Variants in CCSER1 observed in about 807,000 individuals in gnomAD.
CCSER1 encodes serine-rich coiled-coil domain-containing protein 1.
A neutral mutation model predicts 82.0 loss-of-function variants in CCSER1; 41 were observed. The ratio of observed to expected loss-of-function variants is 0.50; its 90% CI spans 0.39 to 0.65. The LOEUF is 0.65. CCSER1 is among the 30% of genes least tolerant of loss of function. The pLI, the probability that CCSER1 is intolerant of heterozygous loss-of-function variation, is 0.00. For missense variants in CCSER1, 1,119 were observed against 1,064.2 expected (o/e 1.05, Z -0.72); for synonymous variants, 414 against 383.9 (o/e 1.08, Z -0.92).
intron 5 of CCSER1, among the ~76,000 whole-genome samples, chr4:90,487,603 T>C (rs575341665): frequency 3.9e-5 from 6 of 152,348 alleles, no homozygotes; most frequent in Admixed American, 6.5e-5. Flanking sequence ...TAAGCATGTA[T>C]GGAATAAACA....
intron 5 of CCSER1, among the ~76,000 whole-genome samples, chr4:90,623,189 G>A (rs1016731185): frequency 3.4e-5 from 5 of 148,830 alleles, no homozygotes; most frequent in South Asian, 2.1e-4. Context: ...CACCACTCCC[G>A]GCTAATTATT....
chr4:91,277,507 T>C (rs1421337597), intron 10 of CCSER1, among the ~76,000 whole-genome samples: 1 of 151,420 alleles, frequency 6.6e-6, no homozygotes, highest in African/African-American at 2.4e-5. Flanking sequence ...TTTTTTGTTA[T>C]TGTGGTATCC....
At chr4:91,082,082 A>T (rs1049840385) in intron 9 of CCSER1, among the ~76,000 whole-genome samples, 1 of 152,182 alleles carries the variant, frequency 6.6e-6, no homozygotes, top group Non-Finnish European at 1.5e-5. Flanking sequence ...TTCATACGGA[A>T]CCACAAAAGA....
intron 9 of CCSER1, among the ~76,000 whole-genome samples, chr4:91,001,832 G>A (rs1230209517): frequency 6.6e-6 from 1 of 151,742 alleles, no homozygotes; most frequent in Non-Finnish European, 1.5e-5. Context: ...TTCTTTAATT[G>A]TATTTTTGTT....
intron 5 of CCSER1, among the ~76,000 whole-genome samples, chr4:90,583,209 C>G (rs1180942625): frequency 6.6e-6 from 1 of 152,138 alleles, no homozygotes; most frequent in East Asian, 1.9e-4. Flanking sequence ...CTCTGTCGCC[C>G]AGGCTGGAGT....
intron 10 of CCSER1, among the ~76,000 whole-genome samples, chr4:91,490,555 C>G (rs939097959): frequency 6.6e-6 from 1 of 151,598 alleles, no homozygotes; most frequent in Non-Finnish European, 1.5e-5. Flanking sequence ...TAATTGAACT[C>G]ATGAAGATTG....
intron 9 of CCSER1, among the ~76,000 whole-genome samples, chr4:91,064,344 C>T (rs1336764428): frequency 6.6e-6 from 1 of 152,184 alleles, no homozygotes; most frequent in East Asian, 1.9e-4. Flanking sequence ...TACTGTCAGC[C>T]ATGGCTTATT....
chr4:91,397,331 A>G (rs901394054), intron 10 of CCSER1, among the ~76,000 whole-genome samples: 3 of 152,036 alleles, frequency 2.0e-5, no homozygotes, highest in Admixed American at 2.0e-4. Flanking sequence ...ATAAGGATAC[A>G]TTCCATAATA....
In CCSER1 at chr4:90,971,860, T is replaced by C. The variant is rs529711078; in HGVS notation, c.2172+48413T>C. 8.6e-5 allele frequency among the ~76,000 whole-genome samples: 13 copies of C among 151,932 alleles called. 1 individual carries two copies. The South Asian group carries it at 2.7e-3, about 32-fold the overall frequency. On this transcript the variant is annotated intron_variant, in intron 9 of 10. Coordinates refer to ENST00000509176, the MANE Select transcript of CCSER1 (RefSeq NM_001145065.2). ...GGATGATTCAATATATCAAAAATAA[T>C]GTCATACAACACATGAACAGAATGA...
At chr4:91,438,573 C>T (rs577459353) in intron 10 of CCSER1, among the ~76,000 whole-genome samples, 17 of 152,256 alleles carry the variant, frequency 1.1e-4, no homozygotes, top group East Asian at 1.9e-4. Context: ...AAAAGCAGAG[C>T]GCCTCTCCTC....
intron 6 of CCSER1, among the ~76,000 whole-genome samples, chr4:90,697,763 T>A (rs1737250752): frequency 6.6e-6 from 1 of 152,124 alleles, no homozygotes; most frequent in South Asian, 2.1e-4. Context: ...TTTGCAGGTA[T>A]TTTTCCCTGT....
At chr4:90,858,786 T>C (rs1430245739) in intron 8 of CCSER1, among the ~76,000 whole-genome samples, 1 of 151,980 alleles carries the variant, frequency 6.6e-6, no homozygotes, top group East Asian at 1.9e-4. Flanking sequence ...ACAGAATTGA[T>C]AAATTTATAC....
In CCSER1 at chr4:90,849,390, G is replaced by A. The variant is rs185750219; in HGVS notation, c.2094+33545G>A. On this transcript the variant is annotated intron_variant, in intron 8 of 10. Coordinates refer to ENST00000509176, the MANE Select transcript of CCSER1 (RefSeq NM_001145065.2). ...GATCTGTGGAACTTTTAACTTGAGA[G>A]AGATGACTTAGGGTATCTGGTGGCA... Among the ~76,000 whole-genome samples, 658 of 152,310 alleles carry A rather than the reference G, an allele frequency of 4.3e-3. 6 individuals are homozygous for A. Among genetic ancestry groups the A allele is most frequent in the Non-Finnish European group, 4.9e-3 (336 of 68,022 alleles).
At chr4:90,981,876 A>G (rs1221813542) in intron 9 of CCSER1, among the ~76,000 whole-genome samples, 1 of 151,048 alleles carries the variant, frequency 6.6e-6, no homozygotes, top group East Asian at 2.0e-4. Flanking sequence ...AAGAGAAGTA[A>G]AGCATTTTTT....
At chr4:90,881,433 AG>A (rs1444695080) in intron 8 of CCSER1, among the ~76,000 whole-genome samples, 1 of 152,178 alleles carries the variant, frequency 6.6e-6, no homozygotes, top group Non-Finnish European at 1.5e-5. Flanking sequence ...GATAACTCCA[AG>A]ACCTTTTGGT....
In CCSER1 at chr4:90,229,646, A is replaced by G. The variant is rs191600876; in HGVS notation, c.-41-78598A>G. Among the ~76,000 whole-genome samples, 720 of 152,310 alleles carry G rather than the reference A, an allele frequency of 4.7e-3. 7 individuals carry two copies. Among genetic ancestry groups the G allele is most frequent in the African/African-American group, 0.017 (691 of 41,556 alleles). On this transcript the variant is annotated intron_variant, in intron 1 of 10. Coordinates refer to ENST00000509176, the MANE Select transcript of CCSER1 (RefSeq NM_001145065.2). Reference sequence around the variant, plus strand: ...TATTACCTTTAAATGTAACTGGACTAAATGCTCCAATTAAAAGACACAGAC... The same window carrying G: ...TATTACCTTTAAATGTAACTGGACTGAATGCTCCAATTAAAAGACACAGAC...
At chr4:91,246,080 C>A (rs1488820044) in intron 10 of CCSER1, among the ~76,000 whole-genome samples, 4 of 152,080 alleles carry the variant, frequency 2.6e-5, no homozygotes, top group African/African-American at 9.7e-5. Context: ...AAGCACTGGA[C>A]CAGTGGTGTG....
chr4:91,368,207 G>A (rs1749778084), intron 10 of CCSER1, among the ~76,000 whole-genome samples: 1 of 151,980 alleles, frequency 6.6e-6, no homozygotes, highest in Admixed American at 6.6e-5. Flanking sequence ...TAACCATGTG[G>A]TCAGATCCAT....
chr4:90,166,399 T>C (rs1015842450), intron 1 of CCSER1, among the ~76,000 whole-genome samples: 1 of 151,982 alleles, frequency 6.6e-6, no homozygotes, highest in East Asian at 1.9e-4. Context: ...AATAGTGACA[T>C]AGAGTAAAAA....
Sources: allele counts gnomAD v4.1 joint callset (sites outside exome capture counted in the v4.1 genomes callset), GRCh38; gene constraint gnomAD v4.1.1; transcripts MANE v1.5; gene names NCBI Gene and HGNC (gene_info 2026-07-23, HGNC 2026-07-21).